Variants in BTNL8 observed in about 807,000 individuals in gnomAD.
BTNL8 encodes butyrophilin like 8.
A neutral mutation model predicts 36.1 loss-of-function variants in BTNL8; 22 were observed. That is an observed-to-expected ratio of 0.61 (90% CI 0.44 to 0.87). The LOEUF is 0.87. Among genes scored for constraint, BTNL8 ranks in the 40% least tolerant of loss-of-function variants. The pLI, the probability that BTNL8 is intolerant of heterozygous loss-of-function variation, is 0.00. For synonymous variants in BTNL8, 203 were observed against 235.6 expected (o/e 0.86, Z 1.27); for missense variants, 526 against 616.9 (o/e 0.85, Z 1.56).
intron 3 of BTNL8, among the ~76,000 whole-genome samples, chr5:180,941,245 T>A (rs1165917541): frequency 6.6e-6 from 1 of 150,446 alleles, no homozygotes; most frequent in Non-Finnish European, 1.5e-5. Context: ...TAAAATAGAG[T>A]CAGGAAAAAC....
chr5:180,923,511 T>G (rs1268062002), intron 3 of BTNL8, among the ~76,000 whole-genome samples: 7 of 152,116 alleles, frequency 4.6e-5, no homozygotes, highest in Admixed American at 1.3e-4. Context: ...AGAAGAGCAG[T>G]TCTTTCATCT....
chr5:180,928,695 C>T (rs1027984928), intron 3 of BTNL8, among the ~76,000 whole-genome samples: 1 of 152,054 alleles, frequency 6.6e-6, no homozygotes, highest in Non-Finnish European at 1.5e-5. Flanking sequence ...TTTAAACAAA[C>T]AAAGATCAAA....
At chr5:180,931,267 C>G (rs1040160596) in intron 3 of BTNL8, among the ~76,000 whole-genome samples, 1 of 152,132 alleles carries the variant, frequency 6.6e-6, no homozygotes, top group Non-Finnish European at 1.5e-5. Context: ...ACGTGGAAAA[C>G]TGAAACTGGA....
rs543344744 is a variant in BTNL8 at position 180,950,857 on chromosome 5, A to G, written c.*313A>G. On this transcript the variant is annotated 3_prime_UTR_variant, in exon 8 of 8. Coordinates refer to ENST00000340184, the MANE Select transcript of BTNL8 (RefSeq NM_001040462.3). ...TGTGAATAATGCTTAGATCTTATTG[A>G]TGACAGAGTGTATCCTAATGGTTTG... The G allele has an allele frequency of 2.8e-6, 1 of 360,280 alleles. No individual in the cohort carries two copies. Among genetic ancestry groups the G allele is most frequent in the African/African-American group, 2.1e-5 (1 of 48,394 alleles). 22.3% of individuals were successfully genotyped at this position (360,280 alleles called of 1,614,324 possible).
At chr5:180,940,275 G>A (rs1758861370) in intron 3 of BTNL8, among the ~76,000 whole-genome samples, 1 of 151,788 alleles carries the variant, frequency 6.6e-6, no homozygotes, top group African/African-American at 2.4e-5. Context: ...GGAGGCAGAG[G>A]TTGCAGTGAG....
intron 3 of BTNL8, among the ~76,000 whole-genome samples, chr5:180,918,197 T>A (rs1483127519): frequency 1.3e-5 from 2 of 152,024 alleles, no homozygotes; most frequent in African/African-American, 2.4e-5. Flanking sequence ...GAAAATTACA[T>A]GCCAATATCC....
rs571190638 is a variant in BTNL8, at chr5:180,926,093, G to C, written c.673+14479G>C. Among the ~76,000 whole-genome samples the C allele has an allele frequency of 1.4e-4, 22 of 152,274 alleles. No individual in the cohort carries two copies. In the South Asian group the frequency reaches 4.4e-3, roughly 30 times the overall value. On this transcript the variant is annotated intron_variant, in intron 3 of 7. Transcript: ENST00000340184. ...CCCCCAGCAAGATCAATGCAGAAGGGAGGTGATTTCTGCATTTCCAACTGA... is the reference window on the plus strand; with the variant it reads ...CCCCCAGCAAGATCAATGCAGAAGGCAGGTGATTTCTGCATTTCCAACTGA...
intron 3 of BTNL8, among the ~76,000 whole-genome samples, chr5:180,920,710 C>G (rs1231604690): frequency 6.6e-6 from 1 of 151,960 alleles, no homozygotes; most frequent in African/African-American, 2.4e-5. Flanking sequence ...GAGTTAATGT[C>G]CAAAATATGT....
At position 180,947,919 on chromosome 5, in the gene BTNL8, A is replaced by G. The variant is rs139534163; in HGVS notation, c.787+294A>G. On this transcript the variant is annotated intron_variant, in intron 4 of 7. Coordinates refer to ENST00000340184, the MANE Select transcript of BTNL8 (RefSeq NM_001040462.3). ...TTCCATGAACACCACCAAGACTCCT[A>G]TTAAAAAGTTTTAATGTGGTGAACA... is the stretch of plus-strand genomic sequence containing the variant. 2.1e-3 allele frequency: 2,218 copies of G among 1,036,690 alleles called. 38 individuals carry two copies. The East Asian group carries it at 0.033, about 16-fold the overall frequency. 64.2% of individuals were successfully genotyped at this position (1,036,690 alleles called of 1,614,324 possible).
At chr5:180,899,538 G>A (rs1295377330) in intron 1 of BTNL8, among the ~76,000 whole-genome samples, 179 bp downstream of exon 1, 1 of 152,184 alleles carries the variant, frequency 6.6e-6, no homozygotes, top group African/African-American at 2.4e-5. Flanking sequence ...CCAAATAATG[G>A]AAACACGGGT....
At chr5:180,918,655 A>G (rs1297287143) in intron 3 of BTNL8, among the ~76,000 whole-genome samples, 1 of 152,232 alleles carries the variant, frequency 6.6e-6, no homozygotes, top group Non-Finnish European at 1.5e-5. Context: ...AAGGTGGTTG[A>G]GTTACAGCTT....
intron 2 of BTNL8, chr5:180,909,893 T>C (rs1757311372): frequency 6.6e-6 from 1 of 152,204 alleles, no homozygotes; most frequent in Non-Finnish European, 1.5e-5. Context: ...ACAATTGGCA[T>C]ACGACTCCCC....
chr5:180,911,572 G>T lies in BTNL8; in HGVS notation c.631G>T (p.Ala211Ser), dbSNP rs980662952. The T allele has an allele frequency of 4.3e-6, 7 of 1,614,008 alleles. No individual in the cohort carries two copies. The highest frequency in any genetic ancestry group is 5.1e-6 in the Non-Finnish European group (6 of 1,179,950). Residue 211 changes from alanine (A) to serine (S), a missense_variant, in exon 3 of 8, where the codon GCT becomes TCT. Ala to Ser is a moderately conservative substitution (Grantham distance 99, BLOSUM62 1). Coordinates refer to ENST00000340184, the MANE Select transcript of BTNL8 (RefSeq NM_001040462.3). ...GAGCATATCCTGTTCCATGCGGCAT[G>T]CTCATCTGAGCCGAGAGGTGGAATC... ...AGSISCSMRH[A>S]HLSREVESRV...
intron 3 of BTNL8, among the ~76,000 whole-genome samples, chr5:180,921,224 T>C (rs560721313): frequency 2.0e-5 from 3 of 152,096 alleles, no homozygotes; most frequent in Non-Finnish European, 4.4e-5. Context: ...AAAAGATACT[T>C]GCACTTCCAT....
chr5:180,941,119 A>C, intron 3 of BTNL8, among the ~76,000 whole-genome samples: 1 of 85,964 alleles, frequency 1.2e-5, no homozygotes, highest in Admixed American at 1.3e-4. Context: ...GGAGGAAGGA[A>C]GGAAGGAAGG....
chr5:180,921,279 C>T (rs1053323744), intron 3 of BTNL8, among the ~76,000 whole-genome samples: 1 of 152,024 alleles, frequency 6.6e-6, no homozygotes, highest in Non-Finnish European at 1.5e-5. Context: ...TGAAAACAAT[C>T]TATTTGCTGA....
intron 3 of BTNL8, 137 bp from the exon 4 acceptor site, chr5:180,947,375 T>A: frequency 8.4e-7 from 1 of 1,191,526 alleles, no homozygotes; most frequent in Non-Finnish European, 1.2e-6. Context: ...AAAAGTACAA[T>A]CAAAGTATTA....
intron 3 of BTNL8, 97 bp from the exon 4 acceptor site, chr5:180,947,415 T>G (rs1759314467): frequency 6.9e-7 from 1 of 1,453,390 alleles, no homozygotes; most frequent in Non-Finnish European, 9.4e-7. Context: ...AGAAACCTAT[T>G]TCTTCCATTG....
At chr5:180,926,255 T>C (rs1379256438) in intron 3 of BTNL8, among the ~76,000 whole-genome samples, 10 of 152,138 alleles carry the variant, frequency 6.6e-5, no homozygotes. Flanking sequence ...CAAGGGAAGA[T>C]GTGAGGGACT....
Sources: gnomAD v4.1 joint callset for allele counts (sites outside exome capture counted in the v4.1 genomes callset) on GRCh38, gnomAD v4.1.1 for gene constraint, MANE v1.5 for transcripts, NCBI Gene and HGNC (gene_info 2026-07-23, HGNC 2026-07-21) for gene names.